Variants in QSOX2 observed in about 807,000 individuals in gnomAD.
The protein encoded by QSOX2 is quiescin sulfhydryl oxidase 2.
In QSOX2, 46 loss-of-function variants were observed where a neutral mutation model predicts 61.7. The observed-to-expected ratio is 0.75, with a 90% CI of 0.59 to 0.95. The LOEUF is 0.95. Among genes scored for constraint, QSOX2 ranks in the 40% least tolerant of loss-of-function variants. The probability of loss-of-function intolerance (pLI) is 0.00; values close to 1 mark genes in which losing one functional copy is unlikely to be tolerated. For synonymous variants in QSOX2, 383 were observed against 388.4 expected, an observed-to-expected ratio of 0.99 and a Z score of 0.16; for missense variants, 879 against 918.9, an observed-to-expected ratio of 0.96 and a Z score of 0.56.
intron 1 of QSOX2, among the ~76,000 whole-genome samples, chr9:136,227,794 G>A (rs1029204747): frequency 1.4e-4 from 22 of 152,180 alleles, no homozygotes; most frequent in East Asian, 5.8e-4. Flanking sequence ...GGGCAACATG[G>A]TAAAACCCTG....
intron 1 of QSOX2, among the ~76,000 whole-genome samples, chr9:136,231,174 C>G (rs1259386922): frequency 1.3e-5 from 2 of 152,182 alleles, no homozygotes; most frequent in Non-Finnish European, 2.9e-5. Flanking sequence ...CTCACAGAGG[C>G]CGAGGAAGGC....
At chr9:136,235,258 G>A (rs1830370908) in intron 1 of QSOX2, among the ~76,000 whole-genome samples, 2 of 152,254 alleles carry the variant, frequency 1.3e-5, no homozygotes, top group African/African-American at 4.8e-5. Flanking sequence ...ACCCCCCGGA[G>A]GAGGGCCAGG....
chr9:136,209,116 G>T lies in QSOX2; in HGVS notation c.1709C>A (p.Thr570Lys), dbSNP rs368303324. The T allele has an allele frequency of 1.2e-6, 2 of 1,614,174 alleles. No homozygotes were observed. The highest frequency in any genetic ancestry group is 3.3e-5 in the Admixed American group (2 of 60,022). ...QHYGRDNLLD[T>K]YSADQGDSSE... ...GGAATCCCCCTGGTCTGCGGAATACGTGTCTAAGAGGTTGTCGCGGCCATA... is the reference window on the plus strand; with the variant it reads ...GGAATCCCCCTGGTCTGCGGAATACTTGTCTAAGAGGTTGTCGCGGCCATA... The change falls in exon 12 of 12, where the codon ACG becomes AAG. Residue 570 changes from threonine to lysine, a missense_variant. Physicochemically the swap from Thr to Lys is moderately conservative, Grantham distance 78. Transcript: ENST00000358701. The surrounding 1 kb of genome is among the most constrained non-coding windows in gnomAD (Gnocchi z 5.6).
intron 9 of QSOX2, 65 bp from the exon 10 acceptor site, chr9:136,215,369 C>G (rs553162255): frequency 3.4e-6 from 5 of 1,479,212 alleles, no homozygotes; most frequent in Non-Finnish European, 4.5e-6. Context: ...TAAAAACAGT[C>G]GACAGCTGCC....
At position 136,215,321 on chromosome 9, in the gene QSOX2, CAAAA is replaced by C. The variant is rs773896982; in HGVS notation, c.1210-21_1210-18del. 2.5e-6 allele frequency: 4 copies of C among 1,585,866 alleles called. No individual in the cohort carries two copies. Among genetic ancestry groups the C allele is most frequent in the Non-Finnish European group, 3.4e-6 (4 of 1,168,500 alleles). ...TCCAGAAATCTGAAAAACAAACAAA[CAAAA>C]AAACCCCAAAGAATAAAAGATAATT... On this transcript the variant is annotated intron_variant, in intron 9 of 11. Transcript: ENST00000358701.
intron 2 of QSOX2, among the ~76,000 whole-genome samples, chr9:136,225,800 C>T (rs1178755347): frequency 2.0e-5 from 3 of 152,248 alleles, no homozygotes; most frequent in Non-Finnish European, 4.4e-5. Context: ...CAATGAGCAT[C>T]GTAGTGGATC....
Position 136,210,566 on chromosome 9 carries a change from G to A in QSOX2, c.1549+698C>T, listed in dbSNP as rs183433277. The A allele has an allele frequency of 2.4e-5, 24 of 985,444 alleles. No homozygotes were observed. In the South Asian group the frequency reaches 3.3e-4, roughly 14 times the overall value. The allele number at this position is 985,444 out of a possible 1,614,324, so 61.0% of individuals were successfully genotyped here. On this transcript the variant is annotated intron_variant, in intron 11 of 11. Transcript: ENST00000358701. ...TGCGCTGACCGAGGGAACAAACCCC[G>A]CAGACACACAGCGCCTTCGTCACAT...
intron 9 of QSOX2, among the ~76,000 whole-genome samples, chr9:136,216,332 G>A (rs1218966216): frequency 2.0e-5 from 3 of 152,246 alleles, no homozygotes; most frequent in Admixed American, 1.3e-4. Flanking sequence ...CAACTACTAC[G>A]TTGCTTGAGA....
In QSOX2 at chr9:136,208,923, C is replaced by T; in HGVS notation, c.1902G>A (p.Gln634=). ...TGTGGGCCCCGGGCCCATCCAGACT[C>T]TGGAGTTTCCCGTCCAAGCTGTGAT... ...SLHHSLDGKL[Q]SLDGPGAHKE... is the part of the protein sequence containing the mutation. The change falls in exon 12 of 12, where the codon CAG becomes CAA. Residue 634 remains glutamine, a synonymous_variant. Coordinates refer to ENST00000358701, the MANE Select transcript of QSOX2 (RefSeq NM_181701.4). 1 of 1,613,916 alleles carries T rather than the reference C, an allele frequency of 6.2e-7. No individual in the cohort carries two copies.
At chr9:136,238,790 G>A (rs1830411840) in intron 1 of QSOX2, among the ~76,000 whole-genome samples, 1 of 152,220 alleles carries the variant, frequency 6.6e-6, no homozygotes, top group Admixed American at 6.5e-5. Flanking sequence ...CGTTTACTGA[G>A]CCTGCATCTG....
At chr9:136,213,967 A>AAC (rs66946829) in intron 10 of QSOX2, among the ~76,000 whole-genome samples, 68,894 of 151,984 alleles carry the variant, frequency 0.45, 15,864 homozygotes, top group South Asian at 0.53. Context: ...ATGATAAGCA[A>AAC]ACAGTGGTGG....
At chr9:136,210,121 T>A in intron 11 of QSOX2, 1 of 985,486 alleles carries the variant, frequency 1.0e-6, no homozygotes, top group African/African-American at 1.7e-5. Flanking sequence ...CAGCAGGTGC[T>A]GCACACGAAG....
In QSOX2 at chr9:136,216,562, G is replaced by A. The variant is rs371062034; in HGVS notation, c.1209+38C>T. 4 of 1,608,866 alleles carry A rather than the reference G, an allele frequency of 2.5e-6. No individual in the cohort carries two copies. In the African/African-American group the frequency reaches 5.3e-5, roughly 21 times the overall value. ...GGCAAGGGAAGGAAGGCGAGGGAAG[G>A]AGGGTGCAGCGTGGCTGGCGAGGGT... On this transcript the variant is annotated intron_variant, in intron 9 of 11. Transcript: ENST00000358701.
intron 10 of QSOX2, among the ~76,000 whole-genome samples, chr9:136,213,147 G>C (rs2131050169): frequency 6.6e-6 from 1 of 152,254 alleles, no homozygotes; most frequent in Admixed American, 6.5e-5. Context: ...GACGGAAAGG[G>C]GGATGGCATG....
At position 136,210,972 on chromosome 9, in the gene QSOX2, G is replaced by A. The variant is rs533584286; in HGVS notation, c.1549+292C>T. The A allele has an allele frequency of 2.3e-5, 21 of 897,832 alleles. No individual in the cohort carries two copies. The East Asian group carries it at 1.6e-3, about 66-fold the overall frequency. The allele number at this position is 897,832 out of a possible 1,614,324, so 55.6% of individuals were successfully genotyped here. A position where few individuals can be genotyped will look rare whatever the true frequency, so the allele number is the denominator to read the frequency against. ...GTCAAAAACATCTTCAGAGTCTAAC[G>A]GGCTACCAGTGGGTACCGATGGGGG... On this transcript the variant is annotated intron_variant, in intron 11 of 11. Transcript: ENST00000358701.
intron 1 of QSOX2, among the ~76,000 whole-genome samples, chr9:136,232,348 CCA>C (rs2131064557): frequency 6.6e-6 from 1 of 152,216 alleles, no homozygotes; most frequent in East Asian, 1.9e-4. Context: ...CTGCGTGTGT[CCA>C]CTTAAATACG....
At position 136,207,266 on chromosome 9, in the gene QSOX2, T is replaced by C. The variant is rs559180143; in HGVS notation, c.*1462A>G. On this transcript the variant is annotated 3_prime_UTR_variant, in exon 12 of 12. Transcript: ENST00000358701. ...AATATTACATGGTCTTATGAATACA[T>C]CCATGTCATCAACTTGTTAGTAAAC... The C allele has an allele frequency of 6.6e-6, 1 of 152,296 alleles. No individual in the cohort carries two copies. The highest frequency in any genetic ancestry group is 1.9e-4 in the East Asian group (1 of 5,314). 9.4% of individuals were successfully genotyped at this position (152,296 alleles called of 1,614,324 possible).
chr9:136,232,934 A>AAG (rs1830344879), intron 1 of QSOX2, among the ~76,000 whole-genome samples: 2 of 149,624 alleles, frequency 1.3e-5, no homozygotes, highest in African/African-American at 2.5e-5. Context: ...AAAAAAAAAA[A>AAG]AAAAGAAAAA....
intron 9 of QSOX2, among the ~76,000 whole-genome samples, chr9:136,215,827 C>G (rs1448586804): frequency 6.6e-6 from 1 of 152,212 alleles, no homozygotes; most frequent in Non-Finnish European, 1.5e-5. Flanking sequence ...CAACCTTTTC[C>G]TCCCTAAGGA....
Sources: allele counts gnomAD v4.1 joint callset (sites outside exome capture counted in the v4.1 genomes callset), GRCh38; gene constraint gnomAD v4.1.1; non-coding constraint Gnocchi (gnomAD v3.1); transcripts MANE v1.5; gene names NCBI Gene and HGNC (gene_info 2026-07-23, HGNC 2026-07-21).